The following OXR1 variants were observed in gnomAD, a reference collection of about 807,000 sequenced individuals.
OXR1 encodes the protein oxidation resistance protein 1.
A neutral mutation model predicts 104.6 loss-of-function variants in OXR1; 41 were observed. The ratio of observed to expected loss-of-function variants is 0.39; its 90% CI spans 0.31 to 0.51. The LOEUF (loss-of-function observed/expected upper bound fraction) is 0.51. Among genes scored for constraint, OXR1 ranks in the 20% least tolerant of loss-of-function variants. The probability of loss-of-function intolerance (pLI) is 0.77; values close to 1 mark genes in which losing one functional copy is unlikely to be tolerated. For synonymous variants in OXR1, 348 were observed against 348.4 expected (o/e 1.00, Z 0.01); for missense variants, 955 against 1,031.9 (o/e 0.93, Z 1.02).
intron 3 of OXR1, among the ~76,000 whole-genome samples, chr8:106,662,590 A>C (rs539229703): frequency 6.6e-6 from 1 of 152,312 alleles, no homozygotes; most frequent in East Asian, 1.9e-4. Flanking sequence ...GTTAACCCTC[A>C]GCAACAACCC....
At chr8:106,292,642 T>C (rs1812804838) in intron 1 of OXR1, among the ~76,000 whole-genome samples, 1 of 152,064 alleles carries the variant, frequency 6.6e-6, no homozygotes, top group Non-Finnish European at 1.5e-5. Flanking sequence ...GAAGAAAACA[T>C]ATTCTGATAA....
intron 2 of OXR1, among the ~76,000 whole-genome samples, chr8:106,410,076 G>A (rs1818402693): frequency 6.6e-6 from 1 of 152,004 alleles, no homozygotes; most frequent in South Asian, 2.1e-4. Flanking sequence ...ACAATGGATA[G>A]ATAATTTCCT....
At chr8:106,425,094 T>G (rs1371696341) in intron 2 of OXR1, among the ~76,000 whole-genome samples, 2 of 144,536 alleles carry the variant, frequency 1.4e-5, no homozygotes, top group Admixed American at 6.9e-5. Flanking sequence ...TTTTTTTTTT[T>G]TTTTTTTTTT....
At chr8:106,355,916 A>T (rs1342132095) in intron 1 of OXR1, among the ~76,000 whole-genome samples, 5 of 152,138 alleles carry the variant, frequency 3.3e-5, no homozygotes, top group Non-Finnish European at 2.9e-5. Context: ...CCTGTCAAAG[A>T]AAAAATGCAT....
chr8:106,584,052 CAT>C (rs1328520739), intron 3 of OXR1, among the ~76,000 whole-genome samples: 18 of 152,114 alleles, frequency 1.2e-4, no homozygotes, highest in African/African-American at 4.3e-4. Flanking sequence ...AGATTCTTAG[CAT>C]TCTCAAAAGG....
chr8:106,560,090 T>C (rs926942165), intron 3 of OXR1, among the ~76,000 whole-genome samples: 4 of 151,810 alleles, frequency 2.6e-5, no homozygotes, highest in Non-Finnish European at 5.9e-5. Context: ...CTAGAGATAA[T>C]ATGGAGAAAG....
intron 2 of OXR1, among the ~76,000 whole-genome samples, chr8:106,429,760 A>AT (rs953151420): frequency 4.3e-4 from 65 of 149,452 alleles, no homozygotes; most frequent in African/African-American, 1.5e-3. Flanking sequence ...TACAAATGTT[A>AT]TTTTTTTTTT....
At chr8:106,289,565 T>A (rs7812473) in intron 1 of OXR1, among the ~76,000 whole-genome samples, 33,348 of 152,028 alleles carry the variant, frequency 0.22, 5,409 homozygotes, top group African/African-American at 0.46. Context: ...AAGAATCAAT[T>A]TCATTAAAAT....
chr8:106,462,183 C>T (rs923960870), intron 2 of OXR1, among the ~76,000 whole-genome samples: 2 of 152,120 alleles, frequency 1.3e-5, no homozygotes, highest in Non-Finnish European at 2.9e-5. Flanking sequence ...CCTACCTCTG[C>T]AAATAATATA....
chr8:106,403,910 A>C (rs1268335266), intron 2 of OXR1, among the ~76,000 whole-genome samples: 1 of 152,172 alleles, frequency 6.6e-6, no homozygotes, highest in Non-Finnish European at 1.5e-5. Flanking sequence ...CCTCACCTTT[A>C]GGGGCCTGTT....
chr8:106,389,946 G>T (rs1817528353), intron 2 of OXR1, among the ~76,000 whole-genome samples: 1 of 152,008 alleles, frequency 6.6e-6, no homozygotes, highest in Non-Finnish European at 1.5e-5. Context: ...GGTGCCTGTA[G>T]TCCCAGCTAC....
At chr8:106,383,946 C>G (rs1817263214) in intron 2 of OXR1, among the ~76,000 whole-genome samples, 1 of 152,096 alleles carries the variant, frequency 6.6e-6, no homozygotes, top group South Asian at 2.1e-4. Flanking sequence ...TAATATACAC[C>G]TAAAGTGTGG....
chr8:106,649,669 C>T (rs971460218), intron 3 of OXR1, among the ~76,000 whole-genome samples: 2 of 151,714 alleles, frequency 1.3e-5, no homozygotes, highest in Non-Finnish European at 2.9e-5. Flanking sequence ...TTTTTCCTGA[C>T]ATAAAATTCT....
chr8:106,563,276 T>C (rs1224847361), intron 3 of OXR1, among the ~76,000 whole-genome samples: 1 of 137,528 alleles, frequency 7.3e-6, no homozygotes, highest in Non-Finnish European at 1.5e-5. Flanking sequence ...TGGAGGAAGA[T>C]TTACCAAGCA....
At chr8:106,482,255 C>T (rs1822171503) in intron 2 of OXR1, among the ~76,000 whole-genome samples, 1 of 151,916 alleles carries the variant, frequency 6.6e-6, no homozygotes, top group Admixed American at 6.6e-5. Flanking sequence ...GTGGTATGGG[C>T]ATGCCTGCTC....
intron 2 of OXR1, among the ~76,000 whole-genome samples, chr8:106,509,504 AAAATTAAAAT>A (rs1251213333): frequency 1.3e-5 from 2 of 152,226 alleles, no homozygotes; most frequent in Non-Finnish European, 2.9e-5. Flanking sequence ...TCTAATCAAT[AAAATTAAAAT>A]ATCTGATCAC....
chr8:106,601,855 C>T (rs1468244449), intron 3 of OXR1, among the ~76,000 whole-genome samples: 1 of 152,090 alleles, frequency 6.6e-6, no homozygotes, highest in East Asian at 1.9e-4. Flanking sequence ...GGAGATTATC[C>T]TGTGTGGGCC....
At chr8:106,660,014 T>C (rs997066109) in intron 3 of OXR1, among the ~76,000 whole-genome samples, 1 of 152,218 alleles carries the variant, frequency 6.6e-6, no homozygotes, top group Non-Finnish European at 1.5e-5. Context: ...ACCACAGTCA[T>C]GTGGGCAGGT....
At chr8:106,360,694 G>T (rs1816206225) in intron 2 of OXR1, among the ~76,000 whole-genome samples, 1 of 151,854 alleles carries the variant, frequency 6.6e-6, no homozygotes, top group Non-Finnish European at 1.5e-5. Context: ...TTTAAACTTT[G>T]AATTATTACT....
Sources: gnomAD v4.1 joint callset for allele counts (sites outside exome capture counted in the v4.1 genomes callset) on GRCh38, gnomAD v4.1.1 for gene constraint, MANE v1.5 for transcripts, NCBI Gene and HGNC (gene_info 2026-07-23, HGNC 2026-07-21) for gene names.